The following SSC5D variants were observed in gnomAD, a reference collection of about 807,000 sequenced individuals.
The protein encoded by SSC5D is scavenger receptor cysteine rich family member with 5 domains.
Under a neutral mutation model 104.6 loss-of-function variants are expected in SSC5D, and 106 were observed. The ratio of observed to expected loss-of-function variants is 1.01; its 90% CI spans 0.87 to 1.19. The LOEUF (loss-of-function observed/expected upper bound fraction) is 1.19, where lower values mean the gene tolerates loss of function less well. SSC5D is among the 50% of genes most tolerant of loss of function. SSC5D has a pLI of 0.00. For missense variants in SSC5D, 1,993 were observed against 2,153.8 expected, an observed-to-expected ratio of 0.93 and a Z score of 1.48; for synonymous variants, 860 against 883.5, an observed-to-expected ratio of 0.97 and a Z score of 0.47.
At chr19:55,506,966 A>C (rs1987649290) in intron 12 of SSC5D, among the ~76,000 whole-genome samples, 1 of 151,906 alleles carries the variant, frequency 6.6e-6, no homozygotes, top group African/African-American at 2.4e-5. Context: ...CAGGAGTTCA[A>C]GACCAGCCTG....
rs1262332195 is a variant in SSC5D, at chr19:55,488,575, G to A, written c.-15G>A. On this transcript the variant is annotated 5_prime_UTR_variant, in exon 1 of 14. Coordinates refer to ENST00000389623, the MANE Select transcript of SSC5D (RefSeq NM_001144950.2). ...TCCTTCCCCTTTCACCCCATCCCCT[G>A]CCCTGGCTGCAACCATGAGGGTCTT... is the stretch of plus-strand genomic sequence containing the variant. 1.9e-6 allele frequency: 3 copies of A among 1,548,184 alleles called. No homozygotes were observed. Among genetic ancestry groups the A allele is most frequent in the East Asian group, 2.5e-5 (1 of 40,792 alleles).
intron 8 of SSC5D, among the ~76,000 whole-genome samples, chr19:55,496,808 T>G (rs1599918046): frequency 1.3e-5 from 2 of 150,966 alleles, no homozygotes; most frequent in Admixed American, 1.3e-4. Context: ...TGGAGTGCAG[T>G]GGCACGATCT....
rs971921417 is a variant in SSC5D at position 55,503,049 on chromosome 19, G to A, written c.2785+1848G>A. Among the ~76,000 whole-genome samples the A allele has an allele frequency of 3.3e-5, 5 of 151,976 alleles. No homozygotes were observed. Among genetic ancestry groups the A allele is most frequent in the South Asian group, 4.2e-4 (2 of 4,818 alleles). On this transcript the variant is annotated intron_variant, in intron 12 of 13. Transcript: ENST00000389623. The surrounding 1 kb of genome is among the most constrained non-coding windows in gnomAD (Gnocchi z 4.0). ...AGGCTGGTCTCAAATTCCTGACCTC[G>A]TGATCCGCCTGCCTCGGCCTCCCAA...
chr19:55,495,265 G>T (rs1987296899), intron 8 of SSC5D, among the ~76,000 whole-genome samples: 1 of 44,874 alleles, frequency 2.2e-5, no homozygotes, highest in Non-Finnish European at 4.3e-5. Flanking sequence ...TTTTTTGAGA[G>T]TGGATTTAAT....
Position 55,493,607 on chromosome 19 carries a change from G to T in SSC5D, c.908G>T (p.Arg303Leu). The T allele has an allele frequency of 6.9e-7, 1 of 1,459,392 alleles. No homozygotes were observed. Among genetic ancestry groups the T allele is most frequent in the Non-Finnish European group, 8.9e-7 (1 of 1,118,608 alleles). The allele number at this position is 1,459,392 out of a possible 1,614,324, so 90.4% of individuals were successfully genotyped here. A position where few individuals can be genotyped will look rare whatever the true frequency, so the allele number is the denominator to read the frequency against. The change falls in exon 7 of 14, where the codon CGG (arginine) becomes CTG (leucine). Residue 303 changes from arginine to leucine, a missense_variant. Around this residue, in one of 6 missense-constraint regions of SSC5D, gnomAD observed 1,101 missense variants for 1,085.0 expected, o/e 1.01. Coordinates refer to ENST00000389623, the MANE Select transcript of SSC5D (RefSeq NM_001144950.2). The part of the protein sequence containing the change: ...AGLVCTGPAP[R>L]LRLADGPHGC... ...TCCCACTATCCAGGCCCAGCACCTCGGCTGCGCCTGGCCGATGGCCCCCAC... is the reference window on the plus strand; with the variant it reads ...TCCCACTATCCAGGCCCAGCACCTCTGCTGCGCCTGGCCGATGGCCCCCAC...
At position 55,494,704 on chromosome 19, in the gene SSC5D, G is replaced by A. The variant is rs544875484; in HGVS notation, c.1308G>A (p.Thr436=). ...CCTCCAGGCCCCCGTCCACCATGAC[G>A]AGCCAGGCTCCAGGGACGGCAGGCG... ...EAASRPPSTM[T]SQAPGTAGVS... is the part of the protein sequence containing the mutation. The change falls in exon 8 of 14, where the codon ACG becomes ACA. Residue 436 remains threonine, a synonymous_variant. Coordinates refer to ENST00000389623, the MANE Select transcript of SSC5D (RefSeq NM_001144950.2). 12 of 1,550,530 alleles carry A rather than the reference G, an allele frequency of 7.7e-6. No individual in the cohort carries two copies. The highest frequency in any genetic ancestry group is 1.4e-5 in the African/African-American group (1 of 73,140).
At chr19:55,509,706 A>G (rs1194221406) in intron 12 of SSC5D, among the ~76,000 whole-genome samples, 1 of 151,708 alleles carries the variant, frequency 6.6e-6, no homozygotes, top group Non-Finnish European at 1.5e-5. Context: ...AAAATACAAA[A>G]AAATTAGCTG....
In SSC5D at chr19:55,500,106, G is replaced by A. The variant is rs1367631214; in HGVS notation, c.1996G>A (p.Ala666Thr). 5 of 1,551,376 alleles carry A rather than the reference G, an allele frequency of 3.2e-6. No individual in the cohort carries two copies. Among genetic ancestry groups the A allele is most frequent in the Middle Eastern group, 1.7e-4 (1 of 6,016 alleles). The change falls in exon 10 of 14, where the codon GCA (alanine) becomes ACA (threonine). Residue 666 changes from alanine to threonine, a missense_variant. Transcript: ENST00000389623. The surrounding 1 kb of genome is among the most constrained non-coding windows in gnomAD (Gnocchi z 4.6). The part of the protein sequence containing the change: ...SPPDLTSQTT[A>T]ALTTEASRRP... ...CCCAGACCTAACCTCACAGACCACTGCAGCACTGACCACTGAGGCCTCCCG... is the reference window on the plus strand; with the variant it reads ...CCCAGACCTAACCTCACAGACCACTACAGCACTGACCACTGAGGCCTCCCG...
chr19:55,514,297 C>T lies in SSC5D; in HGVS notation c.2947+1125C>T, dbSNP rs540609892. Among the ~76,000 whole-genome samples the T allele has an allele frequency of 5.3e-5, 8 of 151,682 alleles. 1 individual carries two copies. Among genetic ancestry groups the T allele is most frequent in the African/African-American group, 1.2e-4 (5 of 41,380 alleles). ...GTAGGCACCTATGGTCCCAGCTACTCGGGAGGCTGAGGCAGGAGAATGGCG... is the reference window on the plus strand; with the variant it reads ...GTAGGCACCTATGGTCCCAGCTACTTGGGAGGCTGAGGCAGGAGAATGGCG... On this transcript the variant is annotated intron_variant, in intron 13 of 13. Coordinates refer to ENST00000389623, the MANE Select transcript of SSC5D (RefSeq NM_001144950.2).
In SSC5D at chr19:55,490,317, C is replaced by T. The variant is rs760042517; in HGVS notation, c.495C>T (p.Asn165=). The T allele has an allele frequency of 2.2e-6, 3 of 1,379,800 alleles. No individual in the cohort carries two copies. The highest frequency in any genetic ancestry group is 2.5e-5 in the East Asian group (1 of 39,412). 85.5% of individuals were successfully genotyped at this position (1,379,800 alleles called of 1,614,324 possible). ...LVTHAPRPAG[N]PQNASRKKSP... is the part of the protein sequence containing the mutation. ...TCCCAGCCCCCCGCCCAGCTGGGAACCCCCAGAACGCCTCCCGGAAGAAGA... is the reference window on the plus strand; with the variant it reads ...TCCCAGCCCCCCGCCCAGCTGGGAATCCCCAGAACGCCTCCCGGAAGAAGA... Residue 165 remains asparagine (N), a synonymous_variant, in exon 5 of 14, where the codon AAC becomes AAT. Transcript: ENST00000389623.
At position 55,498,092 on chromosome 19, in the gene SSC5D, G is replaced by A; in HGVS notation, c.1600G>A (p.Asp534Asn). Residue 534 changes from aspartate (D) to asparagine (N), a missense_variant, in exon 9 of 14, where the codon GAT becomes AAT. By Grantham distance (23) the Asp-to-Asn change is conservative. This residue lies in a region of SSC5D where 1,101 missense variants were observed against 1,085.0 expected (regional missense o/e 1.01). Transcript: ENST00000389623. ...GWGAGPIWLD[D>N]VGCVGTEASL... ...GGGTGCGGGCCCCATCTGGCTAGAT[G>A]ATGTGGGCTGTGTGGGGACCGAGGC... is the stretch of plus-strand genomic sequence containing the variant. 6.4e-7 allele frequency: 1 copy of A among 1,551,698 alleles called. No homozygotes were observed. Among genetic ancestry groups the A allele is most frequent in the Non-Finnish European group, 8.7e-7 (1 of 1,146,968 alleles).
At chr19:55,490,131 T>A (rs1042233115) in intron 4 of SSC5D, 136 bp downstream of exon 4, 1 of 608,482 alleles carries the variant, frequency 1.6e-6, no homozygotes, top group Non-Finnish European at 2.9e-6. Context: ...ACCTCTGCAG[T>A]ATGAACTCCC....
Position 55,503,867 on chromosome 19 carries a change from G to A in SSC5D, c.2785+2666G>A, listed in dbSNP as rs760864269. 2.6e-5 allele frequency among the ~76,000 whole-genome samples: 4 copies of A among 152,208 alleles called. No homozygotes were observed. The South Asian group carries it at 8.3e-4, about 31-fold the overall frequency. On this transcript the variant is annotated intron_variant, in intron 12 of 13. Transcript: ENST00000389623. The surrounding 1 kb of genome is among the most constrained non-coding windows in gnomAD (Gnocchi z 4.0). ...CGCATGCGCAGGCGCGGTGGGCCCG[G>A]GAATGGAGGGACGGGATGGGGCAGG...
chr19:55,507,383 A>G (rs983240891), intron 12 of SSC5D, among the ~76,000 whole-genome samples: 1 of 147,316 alleles, frequency 6.8e-6, no homozygotes, highest in Non-Finnish European at 1.5e-5. Context: ...GAGACATTTT[A>G]CGGGCCGGGC....
chr19:55,495,229 ATATATTTTT>A (rs1196741230), intron 8 of SSC5D, among the ~76,000 whole-genome samples: 1 of 24,998 alleles, frequency 4.0e-5, no homozygotes, highest in Non-Finnish European at 7.7e-5. Context: ...ATATATATAT[ATATATTTTT>A]TTTTTTTTTT....
At chr19:55,488,746 T>A in intron 1 of SSC5D, 132 bp downstream of exon 1, 2 of 827,692 alleles carry the variant, frequency 2.4e-6, no homozygotes, top group Non-Finnish European at 4.0e-6. Context: ...ACATCCCTTC[T>A]GAGGATCCCT....
In SSC5D at chr19:55,503,180, A is replaced by G. The variant is rs1212469487; in HGVS notation, c.2785+1979A>G. Among the ~76,000 whole-genome samples, 1 of 152,118 alleles carries G rather than the reference A, an allele frequency of 6.6e-6. No homozygotes were observed. The highest frequency in any genetic ancestry group is 2.4e-5 in the African/African-American group (1 of 41,408). On this transcript the variant is annotated intron_variant, in intron 12 of 13. Coordinates refer to ENST00000389623, the MANE Select transcript of SSC5D (RefSeq NM_001144950.2). This position sits in a 1 kb window ranked among gnomAD's most constrained non-coding sequence, Gnocchi z 4.0. ...GGTCTCAAACTCTTGGGCTCAAGTC[A>G]TCGGCTTGCTGCGGCCTCCCAAAGT...
rs1488098685 is a variant in SSC5D, at chr19:55,493,679, C to T, written c.980C>T (p.Ser327Leu). Residue 327 changes from serine to leucine, a missense_variant, in exon 7 of 14, where the codon TCG (serine) becomes TTG (leucine). This residue lies in a region of SSC5D where 1,101 missense variants were observed against 1,085.0 expected (regional missense o/e 1.01). Transcript: ENST00000389623. ...LEVWHGGRWG[S>L]VCDDAWDLRD... ...GTCTGGCACGGGGGTCGCTGGGGGT[C>T]GGTGTGTGACGACGCCTGGGACCTG... is the stretch of plus-strand genomic sequence containing the variant. The T allele has an allele frequency of 1.3e-6, 2 of 1,507,532 alleles. No homozygotes were observed. Among genetic ancestry groups the T allele is most frequent in the African/African-American group, 1.4e-5 (1 of 70,080 alleles). The allele number at this position is 1,507,532 out of a possible 1,614,324, so 93.4% of individuals were successfully genotyped here.
intron 13 of SSC5D, 125 bp from the exon 14 acceptor site, chr19:55,517,099 T>C: frequency 2.3e-6 from 2 of 869,656 alleles, no homozygotes; most frequent in East Asian, 2.7e-5. Context: ...AGTCTGCCGG[T>C]GACCCATGAC....
Sources: allele counts gnomAD v4.1 joint callset (sites outside exome capture counted in the v4.1 genomes callset), GRCh38; gene constraint gnomAD v4.1.1; regional missense constraint gnomAD v4.1.1; non-coding constraint Gnocchi (gnomAD v3.1); transcripts MANE v1.5; gene names NCBI Gene and HGNC (gene_info 2026-07-23, HGNC 2026-07-21).